Variants in PCDHA5 observed in about 807,000 individuals in gnomAD.
PCDHA5 encodes the protein protocadherin alpha 5.
In PCDHA5, 43 loss-of-function variants were observed where a neutral mutation model predicts 61.6. The observed-to-expected ratio is 0.70, with a 90% CI of 0.55 to 0.90. The LOEUF is 0.90. Ranked by LOEUF, PCDHA5 falls within the 40% of genes least tolerant of loss-of-function variation. The pLI, the probability that PCDHA5 is intolerant of heterozygous loss-of-function variation, is 0.00. For missense variants in PCDHA5, 1,298 were observed against 1,222.7 expected (o/e 1.06, Z -0.92); for synonymous variants, 627 against 543.9 (o/e 1.15, Z -2.13).
intron 1 of PCDHA5, among the ~76,000 whole-genome samples, chr5:140,944,925 A>T (rs1457519692): frequency 6.6e-6 from 1 of 152,158 alleles, no homozygotes; most frequent in African/African-American, 2.4e-5. Flanking sequence ...ATATTGGTTT[A>T]TGCCTTCTTT....
At chr5:140,835,022 G>C in intron 1 of PCDHA5, 2 of 1,341,264 alleles carry the variant, frequency 1.5e-6, no homozygotes, top group South Asian at 1.4e-5. Context: ...TATTGCTCAC[G>C]GCCACCGATG....
At chr5:140,929,379 GT>G (rs1554207046) in intron 1 of PCDHA5, 1 of 1,513,346 alleles carries the variant, frequency 6.6e-7, no homozygotes, top group African/African-American at 1.4e-5. Context: ...GCTGCTAGCT[GT>G]GTTTTGAAAT....
chr5:140,869,396 A>C (rs782754440), intron 1 of PCDHA5: 18 of 1,614,242 alleles, frequency 1.1e-5, no homozygotes, highest in East Asian at 2.2e-5. Flanking sequence ...CTGTGCGGGC[A>C]GAGCGCGGAG....
intron 1 of PCDHA5, among the ~76,000 whole-genome samples, chr5:140,973,841 G>A (rs2096604649): frequency 6.6e-6 from 1 of 152,188 alleles, no homozygotes; most frequent in Admixed American, 6.5e-5. Context: ...CTTGCTTGTT[G>A]CCTACCAATT....
At position 140,906,503 on chromosome 5, in the gene PCDHA5, AAAG is replaced by A. The variant is rs537708204; in HGVS notation, c.2353-72442_2353-72440del. Among the ~76,000 whole-genome samples the A allele has an allele frequency of 2.0e-5, 3 of 152,376 alleles. No homozygotes were observed. The South Asian group carries it at 6.2e-4, about 32-fold the overall frequency. On this transcript the variant is annotated intron_variant, in intron 1 of 3. Transcript: ENST00000529859. The stretch of plus-strand genomic sequence containing the variant: ...ATAAATGCACAAACATGTTTTTAAC[AAAG>A]AAGGAGGAAATACTCACGACAATTA...
intron 3 of PCDHA5, among the ~76,000 whole-genome samples, chr5:140,998,830 C>G (rs1385890461): frequency 6.6e-6 from 1 of 152,200 alleles, no homozygotes; most frequent in African/African-American, 2.4e-5. Flanking sequence ...TCCCAAAGTG[C>G]TGGATTACTG....
intron 3 of PCDHA5, among the ~76,000 whole-genome samples, chr5:140,999,867 C>A (rs1269782566): frequency 1.3e-5 from 2 of 152,190 alleles, no homozygotes; most frequent in African/African-American, 4.8e-5. Context: ...TCCAAGATTA[C>A]TGAAAATTAG....
At chr5:140,862,664 C>A in intron 1 of PCDHA5, 1 of 547,450 alleles carries the variant, frequency 1.8e-6, no homozygotes, top group Non-Finnish European at 3.7e-6. Flanking sequence ...GACCGGGACG[C>A]GCAGGAGAAC....
intron 1 of PCDHA5, among the ~76,000 whole-genome samples, chr5:140,960,851 T>C (rs782540669): frequency 5.3e-5 from 8 of 152,210 alleles, no homozygotes; most frequent in Non-Finnish European, 7.3e-5. Context: ...TAATGGCAAC[T>C]ATAAGCCAGA....
chr5:140,928,602 G>A (rs927910920), intron 1 of PCDHA5: 26 of 1,614,058 alleles, frequency 1.6e-5, no homozygotes, highest in Non-Finnish European at 2.2e-5. Context: ...TGGAAATTGT[G>A]CCCCGCTCTG....
intron 1 of PCDHA5, chr5:140,862,633 G>T (rs113613111): frequency 3.7e-6 from 2 of 537,190 alleles, no homozygotes; most frequent in East Asian, 5.1e-5. Context: ...GGGCTGCCAC[G>T]ACTTCACAGT....
intron 1 of PCDHA5, chr5:140,852,034 GT>G: frequency 1.1e-6 from 1 of 935,708 alleles, no homozygotes; most frequent in Non-Finnish European, 1.3e-6. Flanking sequence ...CGCTTATTGA[GT>G]TTTTGTTATG....
intron 1 of PCDHA5, among the ~76,000 whole-genome samples, chr5:140,941,621 G>A (rs552509224): frequency 6.6e-6 from 1 of 151,808 alleles, no homozygotes; most frequent in South Asian, 2.1e-4. Context: ...AGCCCATCCT[G>A]CTTCTTAATT....
chr5:140,957,076 A>C (rs1554222802), intron 1 of PCDHA5, among the ~76,000 whole-genome samples: 1 of 152,174 alleles, frequency 6.6e-6, no homozygotes, highest in Non-Finnish European at 1.5e-5. Context: ...AGGGCTTTTT[A>C]TTAAGGAAAA....
intron 1 of PCDHA5, among the ~76,000 whole-genome samples, chr5:140,913,494 T>C (rs1554195964): frequency 6.6e-6 from 1 of 152,116 alleles, no homozygotes; most frequent in Non-Finnish European, 1.5e-5. Flanking sequence ...CATTAGTCTG[T>C]TTAAAACTTT....
At chr5:140,853,068 A>G (rs2042618131) in intron 1 of PCDHA5, 1 of 280,152 alleles carries the variant, frequency 3.6e-6, no homozygotes, top group Non-Finnish European at 5.5e-6. Context: ...TTTAGTAGAG[A>G]TGGGGTTTCA....
chr5:140,846,413 C>T (rs1209442612), intron 1 of PCDHA5, among the ~76,000 whole-genome samples: 16 of 119,220 alleles, frequency 1.3e-4, no homozygotes, highest in Non-Finnish European at 2.3e-4. Flanking sequence ...CTCGCTCTAT[C>T]TCCCAGGCTG....
Position 140,871,114 on chromosome 5 carries a change from A to G in PCDHA5, c.2352+46987A>G, listed in dbSNP as rs1554165136. The G allele has an allele frequency of 1.9e-6, 3 of 1,613,090 alleles. No individual in the cohort carries two copies. The African/African-American group carries it at 4.0e-5, about 22-fold the overall frequency. On this transcript the variant is annotated intron_variant, in intron 1 of 3. Transcript: ENST00000529859. ...CACCGTGCTGGTGTCGTTGGTGGAGAGCGGACAGGCGCCAAAGGCCTCTTC... is the reference window on the plus strand; with the variant it reads ...CACCGTGCTGGTGTCGTTGGTGGAGGGCGGACAGGCGCCAAAGGCCTCTTC...
chr5:140,869,928 A>T, intron 1 of PCDHA5: 1 of 1,611,724 alleles, frequency 6.2e-7, no homozygotes, highest in Non-Finnish European at 8.5e-7. Flanking sequence ...GAGTCAATGG[A>T]GAGGTAACAT....
Sources: allele counts gnomAD v4.1 joint callset (sites outside exome capture counted in the v4.1 genomes callset), GRCh38; gene constraint gnomAD v4.1.1; transcripts MANE v1.5; gene names NCBI Gene and HGNC (gene_info 2026-07-23, HGNC 2026-07-21).